The following QTGAL variants were observed in gnomAD, a reference collection of about 807,000 sequenced individuals.
QTGAL encodes queuosine-tRNA galactosyltransferase.
chr17:83,009,933 TGCTGTGGGGGAGGGGG>T, the QTGAL span, among the ~76,000 whole-genome samples: 2 of 134,228 alleles, frequency 1.5e-5, no homozygotes, highest in African/African-American at 2.7e-5. Flanking sequence ...TGCCGTCCAC[TGCTGTGGGGGAGGGGG>T]GCTGTGGGGG....
the QTGAL span, chr17:82,947,089 C>G: frequency 1.8e-5 from 16 of 913,874 alleles, no homozygotes; most frequent in Non-Finnish European, 2.5e-5. Flanking sequence ...GTCCACCTGT[C>G]AAGTGTTCTG....
At chr17:82,958,795 ATG>A in the QTGAL span, among the ~76,000 whole-genome samples, 36 of 106,208 alleles carry the variant, frequency 3.4e-4, no homozygotes, top group African/African-American at 1.3e-3. Flanking sequence ...ACACTGAAGC[ATG>A]TGTGTGTGTG....
At chr17:83,041,670 T>A in the QTGAL span, among the ~76,000 whole-genome samples, 1 of 152,034 alleles carries the variant, frequency 6.6e-6, no homozygotes, top group Admixed American at 6.5e-5. Flanking sequence ...TCAAAAATGC[T>A]TGGGGGCCTG....
chr17:82,989,030 T>C, the QTGAL span, among the ~76,000 whole-genome samples: 2 of 152,218 alleles, frequency 1.3e-5, no homozygotes, highest in South Asian at 4.1e-4. Flanking sequence ...CAGATCATTC[T>C]ATTATAAAGG....
chr17:82,964,828 C>CT, the QTGAL span, among the ~76,000 whole-genome samples: 2 of 105,962 alleles, frequency 1.9e-5, no homozygotes, highest in Non-Finnish European at 1.9e-5. Context: ...TGCAGGTGCA[C>CT]CCCACGGGGA....
the QTGAL span, among the ~76,000 whole-genome samples, chr17:83,014,020 C>T: frequency 1.3e-5 from 2 of 152,088 alleles, no homozygotes; most frequent in Non-Finnish European, 2.9e-5. Context: ...GAGGAGCCCA[C>T]GGGGCACTGC....
At chr17:83,045,894 AGAGAT>A in the QTGAL span, among the ~76,000 whole-genome samples, 1 of 152,022 alleles carries the variant, frequency 6.6e-6, no homozygotes, top group African/African-American at 2.4e-5. Flanking sequence ...GGCTCACAGC[AGAGAT>A]CGCGATCTCT....
chr17:82,968,574 GCA>G, the QTGAL span, among the ~76,000 whole-genome samples: 3 of 152,202 alleles, frequency 2.0e-5, no homozygotes, highest in Non-Finnish European at 4.4e-5. Context: ...TCACCAGTGT[GCA>G]CAGTGTGACC....
At chr17:83,032,191 G>C in the QTGAL span, among the ~76,000 whole-genome samples, 17 of 44,550 alleles carry the variant, frequency 3.8e-4, no homozygotes, top group East Asian at 9.9e-4. Context: ...GCTGAACAAC[G>C]GGTCAGACCA....
chr17:83,042,102 C>A, the QTGAL span, among the ~76,000 whole-genome samples: 1 of 152,240 alleles, frequency 6.6e-6, no homozygotes, highest in Non-Finnish European at 1.5e-5. Flanking sequence ...TGCTGTGGCT[C>A]ATGCCTATAA....
chr17:82,984,812 G>A, the QTGAL span, among the ~76,000 whole-genome samples: 4 of 152,272 alleles, frequency 2.6e-5, no homozygotes, highest in East Asian at 5.8e-4. Context: ...AGGGGTCCGC[G>A]TCACACCACT....
chr17:82,967,074 C>T, the QTGAL span, among the ~76,000 whole-genome samples: 1 of 152,182 alleles, frequency 6.6e-6, no homozygotes, highest in Non-Finnish European at 1.5e-5. Flanking sequence ...TGTGACTAGT[C>T]ATCAGGGAAA....
the QTGAL span, among the ~76,000 whole-genome samples, chr17:82,958,553 C>A: frequency 6.6e-6 from 1 of 152,154 alleles, no homozygotes; most frequent in South Asian, 2.1e-4. Flanking sequence ...TGACTCCCCC[C>A]CAACCCTGTG....
At chr17:82,957,199 A>G in the QTGAL span, 2 of 1,614,174 alleles carry the variant, frequency 1.2e-6, no homozygotes, top group South Asian at 2.2e-5. Context: ...CCTCGTGGCA[A>G]TAGAAGCCTT....
chr17:83,048,767 G>GT, the QTGAL span: 2 of 1,613,654 alleles, frequency 1.2e-6, no homozygotes, highest in Non-Finnish European at 1.7e-6. Context: ...TCAGCGTTGT[G>GT]GACTGGGAGG....
chr17:82,964,227 G>A, the QTGAL span, among the ~76,000 whole-genome samples: 1 of 119,240 alleles, frequency 8.4e-6, no homozygotes, highest in Admixed American at 1.2e-4. Context: ...CTGCACTCCA[G>A]CCTCAGGAAC....
chr17:82,977,273 C>T, the QTGAL span, among the ~76,000 whole-genome samples: 10 of 152,306 alleles, frequency 6.6e-5, no homozygotes, highest in East Asian at 7.7e-4. Context: ...GCTGCGGCGC[C>T]GCCCCGACAC....
At chr17:82,988,575 T>C in the QTGAL span, among the ~76,000 whole-genome samples, 4 of 152,240 alleles carry the variant, frequency 2.6e-5, no homozygotes, top group Middle Eastern at 0.01. Flanking sequence ...ACAGACAAGC[T>C]ATGGAATGGG....
the QTGAL span, chr17:82,947,082 C>T: frequency 9.8e-7 from 1 of 1,017,250 alleles, no homozygotes; most frequent in African/African-American, 1.6e-5. Context: ...GGCCTGTGTC[C>T]ACCTGTCAAG....
Sources: gnomAD v4.1 joint callset for allele counts (sites outside exome capture counted in the v4.1 genomes callset) on GRCh38, gnomAD v4.1.1 for gene constraint, MANE v1.5 for transcripts, NCBI Gene and HGNC (gene_info 2026-07-23, HGNC 2026-07-21) for gene names.